ANLN: variants seen among roughly 807,000 people sequenced by gnomAD.
ANLN encodes the protein anillin, actin binding protein, also known as anillin.
In ANLN, 59 loss-of-function variants were observed where a neutral mutation model predicts 135.1. That is an observed-to-expected ratio of 0.44 (90% CI 0.35 to 0.54). The LOEUF (loss-of-function observed/expected upper bound fraction) is 0.54, where lower values mean the gene tolerates loss of function less well. Ranked by LOEUF, ANLN falls within the 20% of genes least tolerant of loss-of-function variation. ANLN has a pLI of 0.00. For missense variants in ANLN, 1,182 were observed against 1,340.0 expected (o/e 0.88, Z 1.84); for synonymous variants, 406 against 456.4 (o/e 0.89, Z 1.41).
intron 21 of ANLN, among the ~76,000 whole-genome samples, chr7:36,441,711 CCT>C (rs1788780816): frequency 6.6e-6 from 1 of 152,194 alleles, no homozygotes; most frequent in African/African-American, 2.4e-5. Flanking sequence ...TTTTCTTATT[CCT>C]CTCTGATTAT....
intron 21 of ANLN, among the ~76,000 whole-genome samples, chr7:36,442,087 C>T (rs1562820868): frequency 6.6e-6 from 1 of 152,098 alleles, no homozygotes; most frequent in Admixed American, 6.5e-5. Flanking sequence ...ATTCAAGCCA[C>T]CTTTTGGGAA....
At chr7:36,452,018 A>G (rs1193030262) in intron 23 of ANLN, among the ~76,000 whole-genome samples, 2 of 152,228 alleles carry the variant, frequency 1.3e-5, no homozygotes, top group Non-Finnish European at 2.9e-5. Flanking sequence ...GTGCAAACTA[A>G]TATTACCTGT....
intron 18 of ANLN, 23 bp from the exon 19 acceptor site, chr7:36,425,992 C>T: frequency 6.8e-7 from 1 of 1,468,680 alleles, no homozygotes. Flanking sequence ...GTTTCTTCTT[C>T]ACACCTTTTT....
intron 9 of ANLN, among the ~76,000 whole-genome samples, chr7:36,418,766 T>TTC (rs1787751434): frequency 6.6e-6 from 1 of 151,670 alleles, no homozygotes; most frequent in African/African-American, 2.4e-5. Flanking sequence ...TTTTTTTTTT[T>TTC]GTCTCAGACA....
chr7:36,405,129 T>A (rs1787135431), intron 3 of ANLN, among the ~76,000 whole-genome samples: 1 of 152,210 alleles, frequency 6.6e-6, no homozygotes, highest in South Asian at 2.1e-4. Context: ...TATATTTAGA[T>A]GTTTGCTTAC....
chr7:36,394,453 G>A (rs545668596), intron 1 of ANLN, among the ~76,000 whole-genome samples: 7 of 152,116 alleles, frequency 4.6e-5, no homozygotes, highest in East Asian at 1.9e-4. Flanking sequence ...GGAAATTATC[G>A]GACATATATG....
At chr7:36,434,216 A>C (rs141898954) in intron 20 of ANLN, among the ~76,000 whole-genome samples, 87 of 152,314 alleles carry the variant, frequency 5.7e-4, no homozygotes, top group African/African-American at 1.9e-3. Flanking sequence ...TAGGCTATGG[A>C]TAGATTTGGT....
rs368071868 is a variant in ANLN, at chr7:36,389,966, C to G, written c.-61C>G. The stretch of plus-strand genomic sequence containing the variant: ...AGGAGACACACTGAGCTGAGACTCA[C>G]TTTTCTCTTCCTGAATTTGAACCAC... On this transcript the variant is annotated 5_prime_UTR_variant, in exon 1 of 24. Coordinates refer to ENST00000265748, the MANE Select transcript of ANLN (RefSeq NM_018685.5). 5.6e-6 allele frequency: 9 copies of G among 1,613,966 alleles called. No homozygotes were observed. The highest frequency in any genetic ancestry group is 6.8e-6 in the Non-Finnish European group (8 of 1,179,974).
At chr7:36,394,374 A>G (rs1786606403) in intron 1 of ANLN, among the ~76,000 whole-genome samples, 2 of 152,162 alleles carry the variant, frequency 1.3e-5, no homozygotes, top group Non-Finnish European at 2.9e-5. Flanking sequence ...CCCTTCATCA[A>G]GAGGGGATCT....
intron 22 of ANLN, among the ~76,000 whole-genome samples, chr7:36,445,294 ACT>A (rs1367292923): frequency 1.4e-5 from 2 of 145,904 alleles, no homozygotes. Flanking sequence ...CATCATGTTG[ACT>A]CTCAAAAAGT....
chr7:36,424,819 A>G lies in ANLN; in HGVS notation c.2709+77A>G, dbSNP rs776782019. On this transcript the variant is annotated intron_variant, in intron 17 of 23. Transcript: ENST00000265748. ...TCATCATACCAGTTTTAATTTATGT[A>G]CAACTTTTAATGATTAGGAAGTTTT... The G allele has an allele frequency of 3.3e-4, 466 of 1,421,290 alleles. 1 individual carries two copies. Among genetic ancestry groups the G allele is most frequent in the Non-Finnish European group, 4.1e-4 (425 of 1,045,358 alleles). The allele number at this position is 1,421,290 out of a possible 1,614,324, so 88.0% of individuals were successfully genotyped here. A position where few individuals can be genotyped will look rare whatever the true frequency, so the allele number is the denominator to read the frequency against.
Position 36,420,637 on chromosome 7 carries a change from C to T in ANLN, c.2056C>T (p.Arg686Cys), listed in dbSNP as rs201054659. ...YRSQRFKETE[R>C]PSIKQVIVRK... ...ATCTCAAAGATTCAAAGAAACAGAA[C>T]GTCCATCAATAAAGCAGGTGATTGT... Residue 686 changes from arginine to cysteine, a missense_variant, in exon 12 of 24, where the codon CGT becomes TGT. Coordinates refer to ENST00000265748, the MANE Select transcript of ANLN (RefSeq NM_018685.5). 64 of 1,612,878 alleles carry T rather than the reference C, an allele frequency of 4.0e-5. No individual in the cohort carries two copies. In the Middle Eastern group the frequency reaches 5.0e-4, roughly 12 times the overall value.
intron 1 of ANLN, among the ~76,000 whole-genome samples, chr7:36,392,157 C>T (rs1453601869): frequency 6.6e-6 from 1 of 152,156 alleles, no homozygotes. Flanking sequence ...AAATACTTCA[C>T]AGAAGCATAT....
rs779035229 is a variant in ANLN, at chr7:36,420,216, T to A, written c.1917T>A (p.Ser639Arg). ...PRLELKDTSR[S>R]DESPKPGKFQ... Reference sequence around the variant, plus strand: ...TGGAATTGAAAGACACCAGCAGAAGTGATGAAAGTCCAAAACCAGGAAAAT... The same window carrying A: ...TGGAATTGAAAGACACCAGCAGAAGAGATGAAAGTCCAAAACCAGGAAAAT... The change falls in exon 11 of 24, where the codon AGT becomes AGA. Residue 639 changes from serine to arginine, a missense_variant. Coordinates refer to ENST00000265748, the MANE Select transcript of ANLN (RefSeq NM_018685.5). 6.2e-7 allele frequency: 1 copy of A among 1,613,910 alleles called. No homozygotes were observed. The highest frequency in any genetic ancestry group is 1.7e-5 in the Admixed American group (1 of 60,002).
In ANLN at chr7:36,422,013, A is replaced by C. The variant is rs762292704; in HGVS notation, c.2299+21A>C. ...TGCAAGTAAGTGTGATGCACCTGAA[A>C]GAGTTCCAACAAATTTCTAACCAGG... On this transcript the variant is annotated intron_variant, in intron 13 of 23. Transcript: ENST00000265748. 1.0e-5 allele frequency: 16 copies of C among 1,600,038 alleles called. No individual in the cohort carries two copies. The South Asian group carries it at 1.8e-4, about 18-fold the overall frequency.
chr7:36,405,782 G>A (rs761797462), intron 3 of ANLN, among the ~76,000 whole-genome samples: 1 of 152,162 alleles, frequency 6.6e-6, no homozygotes, highest in East Asian at 1.9e-4. Context: ...AGTGGCTAAT[G>A]GTTACTGTAT....
At position 36,410,661 on chromosome 7, in the gene ANLN, A is replaced by G. The variant is rs1316731744; in HGVS notation, c.1244A>G (p.Asp415Gly). 3 of 1,614,030 alleles carry G rather than the reference A, an allele frequency of 1.9e-6. No individual in the cohort carries two copies. The highest frequency in any genetic ancestry group is 3.3e-5 in the Admixed American group (2 of 59,984). Residue 415 changes from aspartate to glycine, a missense_variant, in exon 6 of 24, where the codon GAC becomes GGC. By Grantham distance (94) the Asp-to-Gly change is moderately conservative (BLOSUM62 -1). Around this residue, in one of 3 missense-constraint regions of ANLN, gnomAD observed 1,022 missense variants for 1,134.0 expected, o/e 0.90. Transcript: ENST00000265748. ...KAIQERLFKQ[D>G]TSSSTTHLAQ... Reference sequence around the variant, plus strand: ...ATCCAAGAAAGATTATTCAAGCAAGACACATCTTCATCTACTACCCATTTA... The same window carrying G: ...ATCCAAGAAAGATTATTCAAGCAAGGCACATCTTCATCTACTACCCATTTA...
intron 5 of ANLN, among the ~76,000 whole-genome samples, chr7:36,409,570 G>T (rs1204198264): frequency 6.6e-6 from 1 of 152,040 alleles, no homozygotes; most frequent in East Asian, 1.9e-4. Context: ...TACAACCTTA[G>T]AATCCTCTTA....
intron 3 of ANLN, among the ~76,000 whole-genome samples, chr7:36,404,012 C>G (rs1464997871): frequency 6.6e-6 from 1 of 151,550 alleles, no homozygotes; most frequent in Non-Finnish European, 1.5e-5. Flanking sequence ...GCTCTGTCAC[C>G]GAGGCTGGAG....
Sources: gnomAD v4.1 joint callset for allele counts (sites outside exome capture counted in the v4.1 genomes callset) on GRCh38, gnomAD v4.1.1 for gene constraint, gnomAD v4.1.1 regional missense constraint, MANE v1.5 for transcripts, NCBI Gene and HGNC (gene_info 2026-07-23, HGNC 2026-07-21) for gene names.